Variants in CDK15 observed in about 807,000 individuals in gnomAD.
The protein encoded by CDK15 is cyclin-dependent kinase 15.
CDK15 carries 62 observed loss-of-function variants against 60.3 expected under a neutral mutation model. The ratio of observed to expected loss-of-function variants is 1.03; its 90% CI spans 0.84 to 1.27. The LOEUF (loss-of-function observed/expected upper bound fraction) is 1.27, where lower values mean the gene tolerates loss of function less well. Ranked by LOEUF, CDK15 falls within the 50% of genes most tolerant of loss-of-function variation. CDK15 has a pLI of 0.00. For missense variants in CDK15, 541 were observed against 527.8 expected, an observed-to-expected ratio of 1.03 and a Z score of -0.25; for synonymous variants, 194 against 195.7, an observed-to-expected ratio of 0.99 and a Z score of 0.07.
rs750249147 is a variant in CDK15, at chr2:201,806,771, C to G, written c.107C>G (p.Thr36Arg). 3.8e-6 allele frequency: 6 copies of G among 1,598,456 alleles called. No individual in the cohort carries two copies. Among genetic ancestry groups the G allele is most frequent in the African/African-American group, 1.3e-5 (1 of 75,044 alleles). ...HSCRRSQPET[T>R]EAAFKLTDLK... ...TGTCGGAGGAGTCAGCCTGAGACCA[C>G]GGAGGCTGCGTTCAAGGTATTTGTA... The change falls in exon 1 of 14, where the codon ACG (threonine) becomes AGG (arginine). Residue 36 changes from threonine (T) to arginine (R), a missense_variant. By Grantham distance (71) the Thr-to-Arg change is moderately conservative (BLOSUM62 -1). Transcript: ENST00000652192.
chr2:201,887,123 C>A (rs1699478084), intron 12 of CDK15, among the ~76,000 whole-genome samples: 1 of 152,016 alleles, frequency 6.6e-6, no homozygotes, highest in Non-Finnish European at 1.5e-5. Flanking sequence ...TGTTAAACAC[C>A]AGAGAAACAA....
intron 6 of CDK15, among the ~76,000 whole-genome samples, chr2:201,833,463 C>T (rs1696847117): frequency 6.6e-6 from 1 of 151,986 alleles, no homozygotes. Context: ...TCCAGGTCAA[C>T]TTTGATCTTA....
chr2:201,888,496 G>A (rs778807131), intron 12 of CDK15: 33 of 1,534,628 alleles, frequency 2.2e-5, no homozygotes, highest in Non-Finnish European at 2.9e-5. Context: ...GTCAGCCTCG[G>A]GAAGCTAATG....
At chr2:201,816,363 A>G (rs1695990430) in intron 4 of CDK15, among the ~76,000 whole-genome samples, 1 of 151,612 alleles carries the variant, frequency 6.6e-6, no homozygotes, top group African/African-American at 2.4e-5. Context: ...TTCACTTGTA[A>G]GTGAGAACAT....
intron 10 of CDK15, chr2:201,860,897 T>G: frequency 2.2e-6 from 3 of 1,348,618 alleles, no homozygotes; most frequent in Non-Finnish European, 2.9e-6. Context: ...ATGATTAAAA[T>G]GATCCTTGTC....
intron 3 of CDK15, among the ~76,000 whole-genome samples, chr2:201,809,512 A>G (rs991824703): frequency 6.6e-6 from 1 of 151,156 alleles, no homozygotes; most frequent in Non-Finnish European, 1.5e-5. Flanking sequence ...CTAATCTTTT[A>G]AAAATCATGT....
At position 201,818,879 on chromosome 2, in the gene CDK15, G is replaced by A. The variant is rs185937846; in HGVS notation, c.449-3930G>A. Among the ~76,000 whole-genome samples, 119 of 152,142 alleles carry A rather than the reference G, an allele frequency of 7.8e-4. 1 individual carries two copies. The highest frequency in any genetic ancestry group is 5.9e-5 in the Non-Finnish European group (4 of 68,016). On this transcript the variant is annotated intron_variant, in intron 4 of 13. Transcript: ENST00000652192. Reference sequence around the variant, plus strand: ...ACTAGAGGTATAGAAATGATATTAGGTAATTAGTGACCACTAATTTAAAGA... The same window carrying A: ...ACTAGAGGTATAGAAATGATATTAGATAATTAGTGACCACTAATTTAAAGA...
intron 8 of CDK15, among the ~76,000 whole-genome samples, chr2:201,841,957 G>A (rs1032837622): frequency 1.3e-5 from 2 of 152,112 alleles, no homozygotes; most frequent in African/African-American, 4.8e-5. Context: ...TTATTAAATG[G>A]TGTGGTTTTT....
intron 10 of CDK15, among the ~76,000 whole-genome samples, chr2:201,861,785 T>C (rs1698411366): frequency 6.6e-6 from 1 of 152,124 alleles, no homozygotes; most frequent in African/African-American, 2.4e-5. Context: ...GGTCTCGAAC[T>C]CCTGACCTCA....
At chr2:201,855,016 T>G in intron 10 of CDK15, 79 bp downstream of exon 10, 1 of 1,342,980 alleles carries the variant, frequency 7.4e-7, no homozygotes, top group Non-Finnish European at 1.1e-6. Context: ...CAGGGCGTTC[T>G]TGTATTGTGA....
intron 10 of CDK15, among the ~76,000 whole-genome samples, chr2:201,869,368 G>A (rs150132552): frequency 0.016 from 2,370 of 151,260 alleles, 29 homozygotes; most frequent in Non-Finnish European, 0.026. Flanking sequence ...ATCACACACC[G>A]GGGCCTGTCA....
At chr2:201,812,229 AAAT>A (rs1480423212) in intron 3 of CDK15, among the ~76,000 whole-genome samples, 7 of 151,838 alleles carry the variant, frequency 4.6e-5, no homozygotes, top group South Asian at 2.1e-4. Flanking sequence ...GTCAGATGAA[AAAT>A]AATAATAAGC....
At chr2:201,827,943 T>C (rs1229125121) in intron 6 of CDK15, among the ~76,000 whole-genome samples, 1 of 152,132 alleles carries the variant, frequency 6.6e-6, no homozygotes, top group African/African-American at 2.4e-5. Flanking sequence ...TAGTTAGCAA[T>C]TAGTAATCAA....
At chr2:201,806,499 T>C, upstream of CDK15, 1 of 682,118 alleles carries the variant, frequency 1.5e-6, no homozygotes, top group Non-Finnish European at 2.2e-6. Flanking sequence ...CTTGCACTGA[T>C]AAGGAAAAAC....
intron 4 of CDK15, among the ~76,000 whole-genome samples, chr2:201,815,404 C>G (rs1037033890): frequency 2.6e-5 from 4 of 152,150 alleles, no homozygotes; most frequent in African/African-American, 9.7e-5. Context: ...CCTACTATGA[C>G]CAGGTACTCT....
chr2:201,815,299 T>C (rs2106158537), intron 4 of CDK15, among the ~76,000 whole-genome samples: 1 of 152,330 alleles, frequency 6.6e-6, no homozygotes, highest in East Asian at 1.9e-4. Flanking sequence ...ATTATTAATA[T>C]TATTCCACTA....
intron 10 of CDK15, chr2:201,860,738 C>A: frequency 7.4e-7 from 1 of 1,352,116 alleles, no homozygotes; most frequent in Non-Finnish European, 9.8e-7. Flanking sequence ...TTCTGACCAC[C>A]AGGTGGAAGC....
rs551718927 is a variant in CDK15, at chr2:201,857,051, G to A, written c.1009+2114G>A. Among the ~76,000 whole-genome samples, 6 of 67,542 alleles carry A rather than the reference G, an allele frequency of 8.9e-5. 1 individual carries two copies. Among genetic ancestry groups the A allele is most frequent in the Admixed American group, 6.3e-4 (5 of 7,924 alleles). 44.3% of individuals were successfully genotyped at this position (67,542 alleles called of 152,430 possible). ...ATCCTGGCTAACAAGGTGAAACCCC[G>A]TCTCTACTAAAAATACAAAAAAAAA... On this transcript the variant is annotated intron_variant, in intron 10 of 13. Transcript: ENST00000652192.
intron 12 of CDK15, 54 bp downstream of exon 12, chr2:201,880,221 T>C (rs1699228130): frequency 6.3e-7 from 1 of 1,594,812 alleles, no homozygotes; most frequent in Non-Finnish European, 8.6e-7. Context: ...AGTGCGTGTG[T>C]GTGTAAGTCT....
Sources: gnomAD v4.1 joint callset for allele counts (sites outside exome capture counted in the v4.1 genomes callset) on GRCh38, gnomAD v4.1.1 for gene constraint, MANE v1.5 for transcripts, NCBI Gene and HGNC (gene_info 2026-07-23, HGNC 2026-07-21) for gene names.